Variants in CNIH3 observed in about 807,000 individuals in gnomAD.
CNIH3 encodes protein cornichon homolog 3.
A neutral mutation model predicts 24.1 loss-of-function variants in CNIH3; 14 were observed. The observed-to-expected ratio is 0.58, with a 90% confidence interval of 0.38 to 0.91. The LOEUF is 0.91. CNIH3 is among the 40% of genes least tolerant of loss of function. CNIH3 has a pLI of 0.00. For missense variants in CNIH3, 178 were observed against 196.8 expected (o/e 0.90, Z 0.57); for synonymous variants, 68 against 73.8 (o/e 0.92, Z 0.40).
intron 3 of CNIH3, among the ~76,000 whole-genome samples, chr1:224,724,836 G>C (rs531899557): frequency 6.6e-6 from 1 of 151,994 alleles, no homozygotes; most frequent in African/African-American, 2.4e-5. Context: ...TCTGGTTCTG[G>C]GTCATTTCAT....
chr1:224,495,584 G>A (rs777517094), intron 1 of CNIH3, among the ~76,000 whole-genome samples: 1 of 152,194 alleles, frequency 6.6e-6, no homozygotes, highest in South Asian at 2.1e-4. Flanking sequence ...CAGTCTTACA[G>A]CAGTGGTGTC....
intron 3 of CNIH3, among the ~76,000 whole-genome samples, chr1:224,725,203 C>CT (rs902660533): frequency 3.9e-4 from 59 of 152,272 alleles, no homozygotes; most frequent in African/African-American, 1.3e-3. Context: ...GAGCAAGACT[C>CT]TATCTCAGAA....
intron 3 of CNIH3, among the ~76,000 whole-genome samples, chr1:224,706,209 A>AT (rs1054693901): frequency 3.9e-5 from 6 of 152,124 alleles, no homozygotes; most frequent in African/African-American, 1.4e-4. Flanking sequence ...ATAATAGAAT[A>AT]TTAGGGCTAG....
At chr1:224,705,188 GA>G (rs1229071747) in intron 3 of CNIH3, among the ~76,000 whole-genome samples, 2 of 152,100 alleles carry the variant, frequency 1.3e-5, no homozygotes, top group Non-Finnish European at 2.9e-5. Context: ...CTTTAATCTA[GA>G]ACCATTCTCC....
chr1:224,526,384 C>CT (rs1323240162), intron 2 of CNIH3, among the ~76,000 whole-genome samples: 2 of 152,078 alleles, frequency 1.3e-5, no homozygotes, highest in Non-Finnish European at 2.9e-5. Context: ...CTGAAGGGAG[C>CT]TTTTTTCCCC....
At chr1:224,483,235 A>G (rs575460016) in intron 1 of CNIH3, among the ~76,000 whole-genome samples, 25 of 152,288 alleles carry the variant, frequency 1.6e-4, no homozygotes, top group Admixed American at 7.8e-4. Context: ...CTGTAATCCT[A>G]GCTACTCAGG....
At chr1:224,656,307 C>G (rs1685091814) in intron 1 of CNIH3, among the ~76,000 whole-genome samples, 1 of 152,142 alleles carries the variant, frequency 6.6e-6, no homozygotes, top group South Asian at 2.1e-4. Context: ...ACATTTGAGG[C>G]CACATTGAAC....
intron 1 of CNIH3, among the ~76,000 whole-genome samples, chr1:224,656,534 A>AGGGCGGC (rs1572669235): frequency 6.6e-6 from 1 of 152,110 alleles, no homozygotes; most frequent in African/African-American, 2.4e-5. Context: ...GCTGGGTATA[A>AGGGCGGC]GGGCGGCGGG....
chr1:224,657,612 A>G (rs976476639), intron 1 of CNIH3, among the ~76,000 whole-genome samples: 2 of 152,204 alleles, frequency 1.3e-5, no homozygotes, highest in Non-Finnish European at 2.9e-5. Context: ...AGTCCATGCA[A>G]TTAGTCCTGT....
chr1:224,533,579 C>T (rs1044495695), intron 2 of CNIH3, among the ~76,000 whole-genome samples: 1 of 152,132 alleles, frequency 6.6e-6, no homozygotes, highest in African/African-American at 2.4e-5. Context: ...CATGTTCTCT[C>T]TGAAGCCTCG....
intron 3 of CNIH3, among the ~76,000 whole-genome samples, chr1:224,555,561 C>T (rs1680100637): frequency 6.6e-6 from 1 of 152,216 alleles, no homozygotes; most frequent in Non-Finnish European, 1.5e-5. Context: ...TGAACAACTT[C>T]TTTAATTTTC....
intron 3 of CNIH3, among the ~76,000 whole-genome samples, chr1:224,595,533 G>A (rs1681943214): frequency 6.6e-6 from 1 of 152,034 alleles, no homozygotes; most frequent in Non-Finnish European, 1.5e-5. Context: ...TTCAATTTAG[G>A]CAAATTAATA....
intron 4 of CNIH3, among the ~76,000 whole-genome samples, chr1:224,734,260 G>C (rs1192833965): frequency 6.6e-6 from 1 of 152,226 alleles, no homozygotes; most frequent in African/African-American, 2.4e-5. Context: ...CTTGTCCTGA[G>C]AGGCGGCTCT....
At position 224,673,807 on chromosome 1, in the gene CNIH3, A is replaced by AT. The variant is rs55650875; in HGVS notation, c.82-7140dup. Among the ~76,000 whole-genome samples the AT allele has an allele frequency of 2.7e-3, 408 of 148,480 alleles. 2 individuals carry two copies. Among genetic ancestry groups the AT allele is most frequent in the Non-Finnish European group, 2.2e-3 (145 of 66,858 alleles). On this transcript the variant is annotated intron_variant, in intron 1 of 5. Coordinates refer to ENST00000272133, the MANE Select transcript of CNIH3 (RefSeq NM_152495.2). ...GGTACATCGTGGGTATCTAGTCAGT[A>AT]TTTTTTTTTTTGGCCTCTTCAGTAA...
chr1:224,663,419 A>G (rs1685453658), intron 1 of CNIH3, among the ~76,000 whole-genome samples: 1 of 152,220 alleles, frequency 6.6e-6, no homozygotes, highest in African/African-American at 2.4e-5. Context: ...CCATGCCCCA[A>G]GAGTGTCCAA....
intron 1 of CNIH3, among the ~76,000 whole-genome samples, chr1:224,449,944 A>G (rs962706642): frequency 6.0e-5 from 9 of 149,580 alleles, no homozygotes; most frequent in East Asian, 1.9e-4. Context: ...CATCCAAACC[A>G]TCCATTCATT....
chr1:224,511,950 T>C (rs374900847), upstream of CNIH3, among the ~76,000 whole-genome samples: 1,684 of 145,914 alleles, frequency 0.012, 22 homozygotes, highest in Middle Eastern at 0.047. Flanking sequence ...CTGAGGCGGG[T>C]GGATCACCTG....
chr1:224,510,226 A>G (rs1678087862), intron 1 of CNIH3, among the ~76,000 whole-genome samples: 1 of 152,184 alleles, frequency 6.6e-6, no homozygotes, highest in East Asian at 1.9e-4. Context: ...GAGCAGAGGT[A>G]GAAGAAGCTG....
chr1:224,497,953 T>C (rs2124862884), intron 1 of CNIH3, among the ~76,000 whole-genome samples: 1 of 152,326 alleles, frequency 6.6e-6, no homozygotes, highest in East Asian at 1.9e-4. Flanking sequence ...ATCACATTAA[T>C]CATATTAGGG....
Sources: allele counts gnomAD v4.1 joint callset (sites outside exome capture counted in the v4.1 genomes callset), GRCh38; gene constraint gnomAD v4.1.1; transcripts MANE v1.5; gene names NCBI Gene and HGNC (gene_info 2026-07-23, HGNC 2026-07-21).